Variants in CNOT2 observed in about 807,000 individuals in gnomAD.
The protein encoded by CNOT2 is CC chemokine receptor 4-negative regulator of transcription 2.
Under a neutral mutation model 72.1 loss-of-function variants are expected in CNOT2, and 7 were observed. The observed-to-expected ratio is 0.10, with a 90% confidence interval of 0.06 to 0.18. The LOEUF (loss-of-function observed/expected upper bound fraction) is 0.18, where lower values mean the gene tolerates loss of function less well. Among genes scored for constraint, CNOT2 ranks in the 10% least tolerant of loss-of-function variants. The probability of loss-of-function intolerance (pLI) is 1.00; values close to 1 mark genes in which losing one functional copy is unlikely to be tolerated. For missense variants in CNOT2, 345 were observed against 660.3 expected (o/e 0.52, Z 5.23); for synonymous variants, 196 against 225.6 (o/e 0.87, Z 1.17).
chr12:70,345,974 G>C lies in CNOT2; in HGVS notation c.1392-206G>C, dbSNP rs1185901724. Reference sequence around the variant, plus strand: ...AATAAAAGTGTGTGTATTAATTAGTGTGCCTTCTGGACAAATTAAGAAATA... The same window carrying C: ...AATAAAAGTGTGTGTATTAATTAGTCTGCCTTCTGGACAAATTAAGAAATA... On this transcript the variant is annotated intron_variant, in intron 14 of 15. Coordinates refer to ENST00000229195, the MANE Select transcript of CNOT2 (RefSeq NM_014515.7). The C allele has an allele frequency of 6.6e-6, 3 of 453,404 alleles. No individual in the cohort carries two copies. The East Asian group carries it at 1.1e-4, about 17-fold the overall frequency. The allele number at this position is 453,404 out of a possible 1,614,324, so 28.1% of individuals were successfully genotyped here.
intron 1 of CNOT2, among the ~76,000 whole-genome samples, chr12:70,260,205 G>T (rs1958680302): frequency 1.3e-5 from 2 of 151,998 alleles, no homozygotes; most frequent in Non-Finnish European, 2.9e-5. Flanking sequence ...GTGGAATTTT[G>T]ATAGAATTGT....
At chr12:70,331,432 A>G (rs1282354235) in intron 6 of CNOT2, 1 of 151,794 alleles carries the variant, frequency 6.6e-6, no homozygotes, top group Non-Finnish European at 1.5e-5. Flanking sequence ...CTTTATCATA[A>G]CTTTATCATA....
At chr12:70,252,379 G>A (rs1251645720) in intron 1 of CNOT2, among the ~76,000 whole-genome samples, 1 of 152,052 alleles carries the variant, frequency 6.6e-6, no homozygotes, top group Non-Finnish European at 1.5e-5. Flanking sequence ...TAGAGACAGG[G>A]TTCCTCCATG....
chr12:70,271,977 G>C (rs1003034894), intron 1 of CNOT2, among the ~76,000 whole-genome samples: 1 of 152,150 alleles, frequency 6.6e-6, no homozygotes, highest in African/African-American at 2.4e-5. Context: ...TCCTACGTCA[G>C]ACTATCAAGG....
intron 4 of CNOT2, among the ~76,000 whole-genome samples, chr12:70,325,959 C>G (rs775199575): frequency 6.6e-6 from 1 of 151,604 alleles, no homozygotes; most frequent in African/African-American, 2.4e-5. Context: ...TAAAGAATGA[C>G]GTATTTTGCC....
In CNOT2 at chr12:70,330,342, G is replaced by C. The variant is rs756832581; in HGVS notation, c.442G>C (p.Gly148Arg). The C allele has an allele frequency of 6.2e-7, 1 of 1,611,212 alleles. No individual in the cohort carries two copies. The highest frequency in any genetic ancestry group is 1.7e-5 in the Admixed American group (1 of 59,846). The change falls in exon 6 of 16, where the codon GGC becomes CGC. Residue 148 changes from glycine (G) to arginine (R), a missense_variant. Physicochemically the swap from Gly to Arg is moderately radical, Grantham distance 125 (BLOSUM62 -2). Coordinates refer to ENST00000229195, the MANE Select transcript of CNOT2 (RefSeq NM_014515.7). Reference protein sequence around the residue: ...NMMNHSQVGQGIGIPSRTNSM... With the variant: ...NMMNHSQVGQRIGIPSRTNSM... Reference sequence around the variant, plus strand: ...GATGAACCACTCCCAGGTTGGTCAGGGCATTGGAATTCCTAGCAGGACAAA... The same window carrying C: ...GATGAACCACTCCCAGGTTGGTCAGCGCATTGGAATTCCTAGCAGGACAAA...
chr12:70,332,250 G>A (rs919416011), intron 6 of CNOT2: 11 of 151,922 alleles, frequency 7.2e-5, no homozygotes, highest in Admixed American at 7.2e-4. Flanking sequence ...ACACAGAGAG[G>A]AGTTTAACAT....
intron 3 of CNOT2, among the ~76,000 whole-genome samples, chr12:70,314,478 A>G (rs1450293363): frequency 2.0e-5 from 3 of 152,138 alleles, no homozygotes; most frequent in African/African-American, 7.2e-5. Flanking sequence ...TGTAGAAAAT[A>G]GGTTAGCAAT....
At chr12:70,300,301 ATG>A (rs1465150448) in intron 2 of CNOT2, among the ~76,000 whole-genome samples, 1 of 152,160 alleles carries the variant, frequency 6.6e-6, no homozygotes, top group African/African-American at 2.4e-5. Flanking sequence ...GCCCATGCCT[ATG>A]TCCTGAATGG....
intron 2 of CNOT2, among the ~76,000 whole-genome samples, chr12:70,300,093 G>T (rs1169059410): frequency 9.9e-5 from 15 of 151,946 alleles, no homozygotes; most frequent in East Asian, 3.9e-4. Flanking sequence ...TAAATTTGTT[G>T]GAGTTCATTG....
intron 3 of CNOT2, among the ~76,000 whole-genome samples, chr12:70,315,380 A>G (rs1203690421): frequency 6.6e-6 from 1 of 152,102 alleles, no homozygotes; most frequent in East Asian, 1.9e-4. Context: ...TTAAAAAGTC[A>G]TAATTCATTT....
intron 3 of CNOT2, among the ~76,000 whole-genome samples, chr12:70,315,497 TATC>T (rs1211245566): frequency 6.6e-6 from 1 of 151,966 alleles, no homozygotes; most frequent in Non-Finnish European, 1.5e-5. Flanking sequence ...AAAACTTAAA[TATC>T]ATTTTTTAAT....
chr12:70,350,187 C>T (rs1882701561), intron 15 of CNOT2, among the ~76,000 whole-genome samples: 1 of 152,032 alleles, frequency 6.6e-6, no homozygotes, highest in Non-Finnish European at 1.5e-5. Context: ...AAAATAATTT[C>T]TTCCACAGTT....
chr12:70,268,216 G>T (rs2135765806), intron 1 of CNOT2, among the ~76,000 whole-genome samples: 1 of 152,074 alleles, frequency 6.6e-6, no homozygotes, highest in South Asian at 2.1e-4. Flanking sequence ...TGTTTTTGAA[G>T]GATGCTTTTG....
intron 1 of CNOT2, among the ~76,000 whole-genome samples, chr12:70,254,996 A>AAG (rs1473067916): frequency 6.7e-6 from 1 of 149,554 alleles, no homozygotes; most frequent in Non-Finnish European, 1.5e-5. Context: ...AAAAAAAAAA[A>AAG]AAGAAGAAGA....
chr12:70,249,626 C>A (rs557104435), intron 1 of CNOT2, among the ~76,000 whole-genome samples: 1 of 152,020 alleles, frequency 6.6e-6, no homozygotes, highest in South Asian at 2.1e-4. Flanking sequence ...TCTTGCAGAT[C>A]CTGGATATTT....
At chr12:70,333,442 TAGAAG>T (rs1242006046) in intron 7 of CNOT2, among the ~76,000 whole-genome samples, 3 of 151,948 alleles carry the variant, frequency 2.0e-5, no homozygotes, top group Admixed American at 6.6e-5. Context: ...CTGCTTCAGA[TAGAAG>T]AGAACAGGAA....
At chr12:70,321,934 T>C (rs1347215863) in intron 4 of CNOT2, 2 of 151,782 alleles carry the variant, frequency 1.3e-5, no homozygotes, top group Admixed American at 1.3e-4. Context: ...AGTTCTAGTA[T>C]AGTATGATTG....
rs1279289358 is a variant in CNOT2, at chr12:70,337,369, G to T, written c.776-20G>T. 5 of 1,591,306 alleles carry T rather than the reference G, an allele frequency of 3.1e-6. No individual in the cohort carries two copies. In the East Asian group the frequency reaches 1.1e-4, roughly 36 times the overall value. On this transcript the variant is annotated intron_variant, in intron 8 of 15. Coordinates refer to ENST00000229195, the MANE Select transcript of CNOT2 (RefSeq NM_014515.7). ...TCATAAATATCAATTGCAATTCTCC[G>T]GATTATTTTCATTACATAGTTGGAA...
Sources: allele counts gnomAD v4.1 joint callset (sites outside exome capture counted in the v4.1 genomes callset), GRCh38; gene constraint gnomAD v4.1.1; transcripts MANE v1.5; gene names NCBI Gene and HGNC (gene_info 2026-07-23, HGNC 2026-07-21).